RGS7: variants seen among roughly 807,000 people sequenced by gnomAD.
The protein encoded by RGS7 is regulator of G-protein signaling 7.
In RGS7, 27 loss-of-function variants were observed where a neutral mutation model predicts 81.1. The ratio of observed to expected loss-of-function variants is 0.33; its 90% confidence interval spans 0.25 to 0.46. RGS7 has a LOEUF of 0.46. Among genes scored for constraint, RGS7 ranks in the 20% least tolerant of loss-of-function variants. RGS7 has a pLI of 1.00. For synonymous variants in RGS7, 208 were observed against 207.7 expected (o/e 1.00, Z -0.01); for missense variants, 396 against 607.4 (o/e 0.65, Z 3.66).
At chr1:240,800,361 A>G (rs1175361537) in intron 18 of RGS7, among the ~76,000 whole-genome samples, 1 of 152,164 alleles carries the variant, frequency 6.6e-6, no homozygotes, top group Non-Finnish European at 1.5e-5. Flanking sequence ...AGTATATATT[A>G]CTGTTCAAAT....
At chr1:241,016,580 C>T (rs1027049526) in intron 3 of RGS7, among the ~76,000 whole-genome samples, 1 of 151,526 alleles carries the variant, frequency 6.6e-6, no homozygotes, top group African/African-American at 2.4e-5. Context: ...AAAAAAAAAC[C>T]CCATAACAAC....
intron 2 of RGS7, among the ~76,000 whole-genome samples, chr1:241,118,467 A>G (rs1558741121): frequency 1.3e-5 from 2 of 152,220 alleles, no homozygotes; most frequent in Admixed American, 6.5e-5. Context: ...AAAATCAAAT[A>G]GGCTGTACCT....
chr1:241,109,421 T>G (rs2065359183), intron 2 of RGS7, among the ~76,000 whole-genome samples: 1 of 152,166 alleles, frequency 6.6e-6, no homozygotes, highest in Admixed American at 6.5e-5. Flanking sequence ...TTATTTTTAG[T>G]TTAAATTTTT....
intron 2 of RGS7, chr1:241,186,610 G>C (rs368833360): frequency 2.7e-5 from 4 of 150,558 alleles, no homozygotes; most frequent in Non-Finnish European, 5.5e-5. Flanking sequence ...CACAACCTCC[G>C]CCTCCCAGGT....
At chr1:241,290,324 AC>A (rs1233739621) in intron 2 of RGS7, among the ~76,000 whole-genome samples, 1 of 152,242 alleles carries the variant, frequency 6.6e-6, no homozygotes, top group African/African-American at 2.4e-5. Flanking sequence ...TTTCCTTCAG[AC>A]ATAGTCTACT....
intron 3 of RGS7, among the ~76,000 whole-genome samples, chr1:241,063,450 G>A (rs1242005958): frequency 6.6e-6 from 1 of 152,192 alleles, no homozygotes; most frequent in Non-Finnish European, 1.5e-5. Flanking sequence ...CTTCCACACA[G>A]AGATTCAGAG....
At chr1:240,930,667 A>G (rs780549869) in intron 6 of RGS7, 50 bp downstream of exon 6, 4 of 1,530,526 alleles carry the variant, frequency 2.6e-6, no homozygotes, top group Non-Finnish European at 3.6e-6. Context: ...GTACACATCC[A>G]TCTACACATA....
In RGS7 at chr1:241,068,238, G is replaced by GTGTGTGTGTGTGTGTGTGTATATATATA; in HGVS notation, c.175+30427_175+30428insTATATATATACACACACACACACACACA. On this transcript the variant is annotated intron_variant, in intron 3 of 18. Transcript: ENST00000440928. ...CTATCCATAAATTGTGTGTGTGTGTGTATATATATATATATATATAAAATA... is the reference window on the plus strand; with the variant it reads ...CTATCCATAAATTGTGTGTGTGTGTGTGTGTGTGTGTGTGTGTGTATATATATATATATATATATATATATATAAAATA... Among the ~76,000 whole-genome samples, 3 of 35,676 alleles carry GTGTGTGTGTGTGTGTGTGTATATATATA rather than the reference G, an allele frequency of 8.4e-5. 1 individual carries two copies. Among genetic ancestry groups the GTGTGTGTGTGTGTGTGTGTATATATATA allele is most frequent in the Admixed American group, 4.1e-4 (1 of 2,438 alleles). The allele number at this position is 35,676 out of a possible 152,430, so 23.4% of individuals were successfully genotyped here.
At chr1:240,838,076 C>G (rs1261687455) in intron 9 of RGS7, among the ~76,000 whole-genome samples, 1 of 152,278 alleles carries the variant, frequency 6.6e-6, no homozygotes, top group East Asian at 1.9e-4. Flanking sequence ...CTTCAGACTT[C>G]TATAACAAAA....
chr1:241,336,961 T>C (rs1424059925), intron 2 of RGS7, among the ~76,000 whole-genome samples: 1 of 152,150 alleles, frequency 6.6e-6, no homozygotes, highest in Non-Finnish European at 1.5e-5. Context: ...TCAGAATCCA[T>C]ATTCCAACCC....
At chr1:241,188,891 A>G (rs935656198) in intron 2 of RGS7, among the ~76,000 whole-genome samples, 4 of 152,236 alleles carry the variant, frequency 2.6e-5, no homozygotes, top group Non-Finnish European at 4.4e-5. Flanking sequence ...AAGGCTTCGA[A>G]ATTCAGCAGA....
At chr1:241,220,200 G>T (rs2074811045) in intron 2 of RGS7, among the ~76,000 whole-genome samples, 1 of 152,134 alleles carries the variant, frequency 6.6e-6, no homozygotes, top group African/African-American at 2.4e-5. Context: ...TGCAACTCCA[G>T]ATCTTAACTC....
chr1:241,333,112 A>G (rs1212605534), intron 2 of RGS7, among the ~76,000 whole-genome samples: 1 of 152,244 alleles, frequency 6.6e-6, no homozygotes, highest in Non-Finnish European at 1.5e-5. Context: ...GTTGTAGTTT[A>G]GAACAGACTT....
chr1:240,901,507 A>C (rs1384567631), intron 6 of RGS7, among the ~76,000 whole-genome samples: 5 of 152,234 alleles, frequency 3.3e-5, no homozygotes, highest in African/African-American at 1.2e-4. Context: ...CACGTATTCC[A>C]AGGGCTCGAA....
In RGS7 at chr1:240,811,971, C is replaced by A. The variant is rs745321162; in HGVS notation, c.1029G>T (p.Gly343=). The A allele has an allele frequency of 3.7e-6, 6 of 1,613,814 alleles. No individual in the cohort carries two copies. In the African/African-American group the frequency reaches 6.7e-5, roughly 18 times the overall value. Reference sequence around the variant, plus strand: ...CTAGAAATTTAAGGAACTGTTCTCTCCCAACTGGGTCTTTCAATGCCTCGT... The same window carrying A: ...CTAGAAATTTAAGGAACTGTTCTCTACCAACTGGGTCTTTCAATGCCTCGT... ...GMDEALKDPV[G]REQFLKFLES... is the part of the protein sequence containing the mutation. The change falls in exon 14 of 19, where the codon GGG becomes GGT. Residue 343 remains glycine, a synonymous_variant. Transcript: ENST00000440928.
At chr1:240,804,645 A>G (rs762977749) in intron 15 of RGS7, among the ~76,000 whole-genome samples, 2 of 152,168 alleles carry the variant, frequency 1.3e-5, no homozygotes, top group Non-Finnish European at 2.9e-5. Flanking sequence ...CATTCCAAAC[A>G]TTTTCCACAT....
At chr1:240,884,077 C>CAAAA (rs4047365) in intron 6 of RGS7, among the ~76,000 whole-genome samples, 2 of 57,370 alleles carry the variant, frequency 3.5e-5, no homozygotes, top group Non-Finnish European at 5.9e-5. Flanking sequence ...AACTCCATCT[C>CAAAA]AAAAAAAAAA....
At chr1:240,783,614 C>A (rs763733623) in intron 18 of RGS7, among the ~76,000 whole-genome samples, 7 of 151,460 alleles carry the variant, frequency 4.6e-5, no homozygotes, top group Non-Finnish European at 1.0e-4. Context: ...CGGAGCGAGA[C>A]TCTGTCTCAA....
At chr1:241,083,254 G>GAAAAAGAAACA (rs397948482) in intron 3 of RGS7, among the ~76,000 whole-genome samples, 1 of 142,090 alleles carries the variant, frequency 7.0e-6, no homozygotes, top group Admixed American at 7.1e-5. Context: ...AAAAGAAAAA[G>GAAAAAGAAACA]AAACAAAACA....
Sources: gnomAD v4.1 joint callset for allele counts (sites outside exome capture counted in the v4.1 genomes callset) on GRCh38, gnomAD v4.1.1 for gene constraint, MANE v1.5 for transcripts, NCBI Gene and HGNC (gene_info 2026-07-23, HGNC 2026-07-21) for gene names.